The following GRIN2D variants were observed in gnomAD, a reference collection of about 807,000 sequenced individuals.
GRIN2D encodes glutamate receptor ionotropic, NMDA 2D.
A neutral mutation model predicts 103.2 loss-of-function variants in GRIN2D; 37 were observed. The ratio of observed to expected loss-of-function variants is 0.36; its 90% CI spans 0.28 to 0.47. GRIN2D has a LOEUF of 0.47. Among genes scored for constraint, GRIN2D ranks in the 20% least tolerant of loss-of-function variants. The probability of loss-of-function intolerance (pLI) is 1.00; values close to 1 mark genes in which losing one functional copy is unlikely to be tolerated. For synonymous variants in GRIN2D, 845 were observed against 885.6 expected (o/e 0.95, Z 0.81); for missense variants, 1,557 against 1,910.6 (o/e 0.81, Z 3.45).
At chr19:48,415,074 T>C (rs1970927608) in intron 7 of GRIN2D, 42 bp downstream of exon 7, 1 of 1,526,340 alleles carries the variant, frequency 6.6e-7, no homozygotes. Context: ...CGGGGCGGAG[T>C]CGAGAGGCGG....
intron 11 of GRIN2D, among the ~76,000 whole-genome samples, chr19:48,427,984 T>G (rs1350370925): frequency 6.6e-6 from 1 of 151,704 alleles, no homozygotes; most frequent in Non-Finnish European, 1.5e-5. Flanking sequence ...GGCTGTTGAC[T>G]CTTGATCCCT....
chr19:48,404,949 G>T lies in GRIN2D; in HGVS notation c.681G>T (p.Ala227=). 1 of 1,612,654 alleles carries T rather than the reference G, an allele frequency of 6.2e-7. No individual in the cohort carries two copies. The highest frequency in any genetic ancestry group is 8.5e-7 in the Non-Finnish European group (1 of 1,179,598). ...GAGCGCTGACGCTGGACCCTGGGGC[G>T]GGCGAGGCCGTGCTCAGTGCCCAGC... ...HRGALTLDPG[A]GEAVLSAQLR... Residue 227 remains alanine (A), a synonymous_variant, in exon 4 of 14, where the codon GCG becomes GCT. Coordinates refer to ENST00000263269, the MANE Select transcript of GRIN2D (RefSeq NM_000836.4).
Position 48,443,663 on chromosome 19 carries a change from C to T in GRIN2D, c.3737C>T (p.Ala1246Val). 6 of 1,169,986 alleles carry T rather than the reference C, an allele frequency of 5.1e-6. No individual in the cohort carries two copies. The highest frequency in any genetic ancestry group is 6.3e-6 in the Non-Finnish European group (6 of 950,938). The allele number at this position is 1,169,986 out of a possible 1,614,324, so 72.5% of individuals were successfully genotyped here. A position where few individuals can be genotyped will look rare whatever the true frequency, so the allele number is the denominator to read the frequency against. Reference protein sequence around the residue: ...PRASHRTPAAAAPHHHRHRRA... With the variant: ...PRASHRTPAAVAPHHHRHRRA... Reference sequence around the variant, plus strand: ...GCCTCGCACCGCACGCCCGCCGCCGCCGCGCCCCACCACCACAGGCACCGG... The same window carrying T: ...GCCTCGCACCGCACGCCCGCCGCCGTCGCGCCCCACCACCACAGGCACCGG... Residue 1246 changes from alanine to valine, a missense_variant, in exon 14 of 14, where the codon GCC becomes GTC. Transcript: ENST00000263269. This position sits in a 1 kb window ranked among gnomAD's most constrained non-coding sequence, Gnocchi z 8.9.
intron 2 of GRIN2D, among the ~76,000 whole-genome samples, chr19:48,396,735 G>A (rs1346739307): frequency 1.3e-5 from 2 of 151,966 alleles, no homozygotes; most frequent in African/African-American, 2.4e-5. Context: ...GAGGGGACGG[G>A]CTGTGGCCTC....
In GRIN2D at chr19:48,443,251, G is replaced by A. The variant is rs1341292489; in HGVS notation, c.3325G>A (p.Glu1109Lys). The A allele has an allele frequency of 1.3e-6, 2 of 1,497,530 alleles. No individual in the cohort carries two copies. The highest frequency in any genetic ancestry group is 1.5e-5 in the African/African-American group (1 of 68,778). 92.8% of individuals were successfully genotyped at this position (1,497,530 alleles called of 1,614,324 possible). ...APPPCPYLDL[E>K]PSPSDSEDSE... ...GCCCCCGTGCCCTTACCTCGATCTC[G>A]AGCCGTCGCCGTCGGACTCGGAGGA... The change falls in exon 14 of 14, where the codon GAG becomes AAG. Residue 1109 changes from glutamate to lysine, a missense_variant. Transcript: ENST00000263269. The surrounding 1 kb of genome is among the most constrained non-coding windows in gnomAD (Gnocchi z 8.9).
Position 48,443,651 on chromosome 19 carries a change from C to T in GRIN2D, c.3725C>T (p.Thr1242Met), listed in dbSNP as rs1414895234. 2 of 1,121,772 alleles carry T rather than the reference C, an allele frequency of 1.8e-6. No homozygotes were observed. The highest frequency in any genetic ancestry group is 3.6e-5 in the South Asian group (1 of 28,056). 69.5% of individuals were successfully genotyped at this position (1,121,772 alleles called of 1,614,324 possible). A position where few individuals can be genotyped will look rare whatever the true frequency, so the allele number is the denominator to read the frequency against. Reference sequence around the variant, plus strand: ...CACCGCCCGCGGGCCTCGCACCGCACGCCCGCCGCCGCCGCGCCCCACCAC... The same window carrying T: ...CACCGCCCGCGGGCCTCGCACCGCATGCCCGCCGCCGCCGCGCCCCACCAC... ...HPHRPRASHR[T>M]PAAAAPHHHR... Residue 1242 changes from threonine (T) to methionine (M), a missense_variant, in exon 14 of 14, where the codon ACG (threonine) becomes ATG (methionine). By Grantham distance (81) the Thr-to-Met change is moderately conservative (BLOSUM62 -1). This residue lies in a region of GRIN2D where 632 missense variants were observed against 572.8 expected (regional missense o/e 1.10). Coordinates refer to ENST00000263269, the MANE Select transcript of GRIN2D (RefSeq NM_000836.4). This position sits in a 1 kb window ranked among gnomAD's most constrained non-coding sequence, Gnocchi z 8.9.
rs1970594703 is a variant in GRIN2D at position 48,393,830 on chromosome 19, CG to C, written c.-342del. Reference sequence around the variant, plus strand: ...GGGGTGTTGCCTGGGTAGGTCGGCCCGGCCCCCAGGGGTCTCTCGAGCGTCT... The same window carrying C: ...GGGGTGTTGCCTGGGTAGGTCGGCCCGCCCCCAGGGGTCTCTCGAGCGTCT... On this transcript the variant is annotated 5_prime_UTR_variant, in exon 1 of 14. Transcript: ENST00000263269. This position sits in a 1 kb window ranked among gnomAD's most constrained non-coding sequence, Gnocchi z 5.6. 6.6e-6 allele frequency among the ~76,000 whole-genome samples: 1 copy of C among 151,934 alleles called. No individual in the cohort carries two copies. Among genetic ancestry groups the C allele is most frequent in the Non-Finnish European group, 1.5e-5 (1 of 67,972 alleles).
At position 48,418,656 on chromosome 19, in the gene GRIN2D, G is replaced by A. The variant is rs576452572; in HGVS notation, c.1736-578G>A. On this transcript the variant is annotated intron_variant, in intron 8 of 13. Coordinates refer to ENST00000263269, the MANE Select transcript of GRIN2D (RefSeq NM_000836.4). ...TGGATACTGACAGGCTGTGGCCAGC[G>A]AGGGAGAAGGAGGGAGGAAGGGAGG... Among the ~76,000 whole-genome samples, 54 of 151,716 alleles carry A rather than the reference G, an allele frequency of 3.6e-4. No homozygotes were observed. In the East Asian group the frequency reaches 4.2e-3, roughly 12 times the overall value.
chr19:48,432,947 T>C (rs921060889), intron 11 of GRIN2D, among the ~76,000 whole-genome samples: 1 of 150,360 alleles, frequency 6.7e-6, no homozygotes, highest in African/African-American at 2.4e-5. Flanking sequence ...CCCGCAACCA[T>C]GCCCAGCTAA....
intron 3 of GRIN2D, 36 bp downstream of exon 3, chr19:48,398,893 G>A: frequency 7.7e-7 from 1 of 1,305,672 alleles, no homozygotes; most frequent in Non-Finnish European, 9.7e-7. Context: ...GCCACAGGAG[G>A]GGCGGGGACA....
chr19:48,406,624 C>T (rs1970794864), intron 4 of GRIN2D, among the ~76,000 whole-genome samples: 1 of 152,196 alleles, frequency 6.6e-6, no homozygotes, highest in Non-Finnish European at 1.5e-5. Flanking sequence ...AACTAGGGCT[C>T]ATGCTGGGCG....
chr19:48,395,048 C>T (rs1266045844), intron 2 of GRIN2D, 112 bp downstream of exon 2: 2 of 152,304 alleles, frequency 1.3e-5, no homozygotes, highest in African/African-American at 4.8e-5. Context: ...GAACGGTGGG[C>T]AGGGGTCTTG....
At chr19:48,430,972 A>ATTTTTGTT (rs1321548556) in intron 11 of GRIN2D, among the ~76,000 whole-genome samples, 8 of 151,856 alleles carry the variant, frequency 5.3e-5, no homozygotes. Flanking sequence ...GTCGTGCACC[A>ATTTTTGTT]CCACGCCCAG....
chr19:48,443,669 C>CCCA lies in GRIN2D; in HGVS notation c.3751_3753dup (p.His1251dup). 1 of 1,196,178 alleles carries CCCA rather than the reference C, an allele frequency of 8.4e-7. No homozygotes were observed. The highest frequency in any genetic ancestry group is 1.0e-6 in the Non-Finnish European group (1 of 967,396). The allele number at this position is 1,196,178 out of a possible 1,614,324, so 74.1% of individuals were successfully genotyped here. A position where few individuals can be genotyped will look rare whatever the true frequency, so the allele number is the denominator to read the frequency against. The stretch of plus-strand genomic sequence containing the variant: ...CACCGCACGCCCGCCGCCGCCGCGC[C>CCCA]CCACCACCACAGGCACCGGCGCGCC... On this transcript the variant is annotated inframe_insertion, in exon 14 of 14. Coordinates refer to ENST00000263269, the MANE Select transcript of GRIN2D (RefSeq NM_000836.4). The surrounding 1 kb of genome is among the most constrained non-coding windows in gnomAD (Gnocchi z 8.9).
intron 11 of GRIN2D, among the ~76,000 whole-genome samples, chr19:48,437,884 A>T (rs553832962): frequency 1.3e-5 from 2 of 152,060 alleles, no homozygotes; most frequent in South Asian, 4.2e-4. Flanking sequence ...TCATATGGGA[A>T]CTCCCTGTTA....
Position 48,443,133 on chromosome 19 carries a change from AC to A in GRIN2D, c.3211del (p.Leu1071CysfsTer447). 1.0e-6 allele frequency: 1 copy of A among 997,870 alleles called. No individual in the cohort carries two copies. Among genetic ancestry groups the A allele is most frequent in the Non-Finnish European group, 1.2e-6 (1 of 839,826 alleles). 61.8% of individuals were successfully genotyped at this position (997,870 alleles called of 1,614,324 possible). On this transcript the variant is annotated frameshift_variant, in exon 14 of 14. Coordinates refer to ENST00000263269, the MANE Select transcript of GRIN2D (RefSeq NM_000836.4). LOFTEE classifies it high-confidence loss of function. This position sits in a 1 kb window ranked among gnomAD's most constrained non-coding sequence, Gnocchi z 8.9. Reference sequence around the variant, plus strand: ...GGCCGCGCTCGGACCCCGAGAGCCAACCCCTGCTGGGGCCAGGCGCGGGCGG... The same window carrying A: ...GGCCGCGCTCGGACCCCGAGAGCCAACCCTGCTGGGGCCAGGCGCGGGCGG... ...RWPRSDPESQPLLGPGAGGAG... is the reference protein window; with the variant it reads ...RWPRSDPESQXLLGPGAGGAG...
At chr19:48,415,898 C>A in intron 7 of GRIN2D, 104 bp from the exon 8 acceptor site, 1 of 1,012,920 alleles carries the variant, frequency 9.9e-7, no homozygotes, top group South Asian at 1.3e-5. Flanking sequence ...CTTCCCTCAC[C>A]CTGTCACTGG....
At position 48,421,680 on chromosome 19, in the gene GRIN2D, TG is replaced by T; in HGVS notation, c.2092-102del. The T allele has an allele frequency of 1.1e-6, 1 of 895,082 alleles. No individual in the cohort carries two copies. Among genetic ancestry groups the T allele is most frequent in the Non-Finnish European group, 1.8e-6 (1 of 557,594 alleles). 55.4% of individuals were successfully genotyped at this position (895,082 alleles called of 1,614,324 possible). On this transcript the variant is annotated intron_variant, in intron 10 of 13. Transcript: ENST00000263269. The surrounding 1 kb of genome is among the most constrained non-coding windows in gnomAD (Gnocchi z 4.8). Reference sequence around the variant, plus strand: ...AGTGTTGAGAAATATTGAACACTCCTGGGACTGGGGTGTCTGCCAGATAGCG... The same window carrying T: ...AGTGTTGAGAAATATTGAACACTCCTGGACTGGGGTGTCTGCCAGATAGCG...
rs972423258 is a variant in GRIN2D at position 48,398,418 on chromosome 19, G to A, written c.26G>A (p.Gly9Asp). The change falls in exon 3 of 14, where the codon GGC becomes GAC. Residue 9 changes from glycine to aspartate, a missense_variant. This residue lies in a region of GRIN2D where 490 missense variants were observed against 601.1 expected (regional missense o/e 0.82). Coordinates refer to ENST00000263269, the MANE Select transcript of GRIN2D (RefSeq NM_000836.4). MRGAGGPR[G>D]PRGPAKMLLL... ...ATGCGCGGCGCCGGTGGCCCCCGCG[G>A]CCCTCGGGGCCCCGCTAAGATGCTG... 1.8e-6 allele frequency: 2 copies of A among 1,119,324 alleles called. No homozygotes were observed. The highest frequency in any genetic ancestry group is 2.2e-6 in the Non-Finnish European group (2 of 916,916). 69.3% of individuals were successfully genotyped at this position (1,119,324 alleles called of 1,614,324 possible). A position where few individuals can be genotyped will look rare whatever the true frequency, so the allele number is the denominator to read the frequency against.
Sources: allele counts gnomAD v4.1 joint callset (sites outside exome capture counted in the v4.1 genomes callset), GRCh38; gene constraint gnomAD v4.1.1; regional missense constraint gnomAD v4.1.1; non-coding constraint Gnocchi (gnomAD v3.1); transcripts MANE v1.5; gene names NCBI Gene and HGNC (gene_info 2026-07-23, HGNC 2026-07-21).